The following CELF2 variants were observed in gnomAD, a reference collection of about 807,000 sequenced individuals.
The protein encoded by CELF2 is CUG triplet repeat RNA-binding protein 2.
In CELF2, 8 loss-of-function variants were observed where a neutral mutation model predicts 62.6. That is an observed-to-expected ratio of 0.13 (90% CI 0.07 to 0.23). The LOEUF (loss-of-function observed/expected upper bound fraction) is 0.23, where lower values mean the gene tolerates loss of function less well. Ranked by LOEUF, CELF2 falls within the 10% of genes least tolerant of loss-of-function variation. The pLI is 1.00. For synonymous variants in CELF2, 258 were observed against 250.0 expected, an observed-to-expected ratio of 1.03 and a Z score of -0.30; for missense variants, 333 against 671.0, an observed-to-expected ratio of 0.50 and a Z score of 5.56.
chr10:11,148,459 G>A (rs1254183048), intron 1 of CELF2, among the ~76,000 whole-genome samples: 2 of 152,196 alleles, frequency 1.3e-5, no homozygotes, highest in Non-Finnish European at 2.9e-5. Flanking sequence ...ATACAGGGCT[G>A]TAAATAATTG....
intron 1 of CELF2, among the ~76,000 whole-genome samples, chr10:10,801,298 T>C (rs2054638299): frequency 6.6e-6 from 1 of 152,246 alleles, no homozygotes; most frequent in Non-Finnish European, 1.5e-5. Flanking sequence ...GTGTAATCCT[T>C]TTCTGAGGTC....
In CELF2 at chr10:11,288,407, T is replaced by C; in HGVS notation, c.842-11T>C. ...CCTGTTGCTGAAAGTAACTTTCTCT[T>C]CCCTCCACAGGCATGAATGCTTTAC... On this transcript the variant is annotated splice_polypyrimidine_tract_variant and intron_variant, in intron 8 of 12. Coordinates refer to ENST00000633077, the MANE Select transcript of CELF2 (RefSeq NM_001326342.2). The C allele has an allele frequency of 6.2e-7, 1 of 1,613,494 alleles. No homozygotes were observed. The highest frequency in any genetic ancestry group is 2.2e-5 in the East Asian group (1 of 44,874).
chr10:10,991,821 T>A (rs998545780), intron 2 of CELF2, among the ~76,000 whole-genome samples: 3 of 152,142 alleles, frequency 2.0e-5, no homozygotes, highest in Non-Finnish European at 4.4e-5. Flanking sequence ...TGTGCACAGA[T>A]CCCATTATGT....
the CELF2 span, among the ~76,000 whole-genome samples, chr10:10,587,905 C>A: frequency 1.3e-5 from 2 of 152,018 alleles, no homozygotes; most frequent in African/African-American, 4.8e-5. Flanking sequence ...TAAATAGATA[C>A]CCGCAGATTT....
intron 8 of CELF2, among the ~76,000 whole-genome samples, chr10:11,286,446 G>A (rs2091328778): frequency 1.3e-5 from 2 of 152,238 alleles, no homozygotes; most frequent in African/African-American, 4.8e-5. Context: ...AGAGGGCATG[G>A]ACAGACCTGC....
chr10:11,135,000 C>T (rs1406196873), intron 1 of CELF2, among the ~76,000 whole-genome samples: 1 of 152,208 alleles, frequency 6.6e-6, no homozygotes, highest in Non-Finnish European at 1.5e-5. Context: ...GCATGGCCCT[C>T]AAATACCAGT....
intron 2 of CELF2, among the ~76,000 whole-genome samples, chr10:11,203,479 G>T (rs930897857): frequency 4.6e-5 from 7 of 152,080 alleles, no homozygotes; most frequent in Non-Finnish European, 8.8e-5. Flanking sequence ...ATTCTCTTTG[G>T]TTAGAGACAT....
At chr10:10,614,237 T>C in the CELF2 span, among the ~76,000 whole-genome samples, 1 of 152,044 alleles carries the variant, frequency 6.6e-6, no homozygotes, top group Admixed American at 6.5e-5. Flanking sequence ...CCTTTGGTAA[T>C]TTTAGCCATT....
the CELF2 span, among the ~76,000 whole-genome samples, chr10:10,675,375 C>T: frequency 2.6e-5 from 4 of 152,066 alleles, no homozygotes; most frequent in South Asian, 2.1e-4. Context: ...CATAGATAAG[C>T]GGGGGTTTTT....
At chr10:10,815,498 C>T (rs1452356228) in intron 1 of CELF2, among the ~76,000 whole-genome samples, 1 of 152,174 alleles carries the variant, frequency 6.6e-6, no homozygotes, top group African/African-American at 2.4e-5. Flanking sequence ...CAGACTAGCC[C>T]TGTTCTGCTG....
At chr10:10,651,441 G>A in the CELF2 span, among the ~76,000 whole-genome samples, 3 of 137,988 alleles carry the variant, frequency 2.2e-5, no homozygotes, top group Non-Finnish European at 3.2e-5. Flanking sequence ...CAAAAAGACA[G>A]CAGTAACCTC....
intron 9 of CELF2, 145 bp from the exon 10 acceptor site, chr10:11,313,994 A>G (rs1479799293): frequency 2.5e-6 from 2 of 814,108 alleles, no homozygotes; most frequent in Non-Finnish European, 3.9e-6. Context: ...AATTGCCACA[A>G]GTACAATCCC....
chr10:11,110,362 TC>T lies in CELF2; in HGVS notation c.75-55120del, dbSNP rs2054816982. Reference sequence around the variant, plus strand: ...GTGTGATTTTCTGTGTGAGTATTCATCCCCGTCATTGAGTGGAACAGAAAAA... The same window carrying T: ...GTGTGATTTTCTGTGTGAGTATTCATCCCGTCATTGAGTGGAACAGAAAAA... On this transcript the variant is annotated intron_variant, in intron 1 of 12. Transcript: ENST00000633077. This position sits in a 1 kb window ranked among gnomAD's most constrained non-coding sequence, Gnocchi z 4.0. Among the ~76,000 whole-genome samples, 1 of 152,188 alleles carries T rather than the reference TC, an allele frequency of 6.6e-6. No homozygotes were observed. The highest frequency in any genetic ancestry group is 1.5e-5 in the Non-Finnish European group (1 of 68,030).
intron 2 of CELF2, among the ~76,000 whole-genome samples, chr10:10,976,831 C>T (rs774856405): frequency 6.6e-5 from 10 of 152,096 alleles, no homozygotes; most frequent in Admixed American, 2.0e-4. Flanking sequence ...CTCAAAATGC[C>T]GCTCACTTGC....
the CELF2 span, among the ~76,000 whole-genome samples, chr10:10,696,100 C>T: frequency 6.6e-6 from 1 of 152,026 alleles, no homozygotes. Context: ...TTAGAGTTTC[C>T]AGTTTTTCTG....
chr10:10,473,123 A>G, the CELF2 span, among the ~76,000 whole-genome samples: 38 of 152,104 alleles, frequency 2.5e-4, no homozygotes, highest in South Asian at 3.9e-3. Flanking sequence ...AGCTTATTTG[A>G]AAATAAGGTC....
At chr10:10,794,733 C>T (rs556710845), upstream of CELF2, 2 of 152,142 alleles carry the variant, frequency 1.3e-5, no homozygotes, top group South Asian at 2.1e-4. Flanking sequence ...GTTTGGCTTA[C>T]TCGTGCCACA....
At chr10:10,924,069 G>C (rs949795524) in intron 2 of CELF2, 2 of 151,930 alleles carry the variant, frequency 1.3e-5, no homozygotes, top group African/African-American at 4.8e-5. Context: ...CCTATAAAGA[G>C]AGAAAATTTT....
chr10:11,269,101 C>G lies in CELF2; in HGVS notation c.619-1565C>G, dbSNP rs1265367401. 6.6e-6 allele frequency among the ~76,000 whole-genome samples: 1 copy of G among 152,102 alleles called. No homozygotes were observed. The highest frequency in any genetic ancestry group is 1.5e-5 in the Non-Finnish European group (1 of 68,028). On this transcript the variant is annotated intron_variant, in intron 6 of 12. Transcript: ENST00000633077. The surrounding 1 kb of genome is among the most constrained non-coding windows in gnomAD (Gnocchi z 4.4). The stretch of plus-strand genomic sequence containing the variant: ...CAAATTTGATGGAACAATGACAACC[C>G]TTTTCCATGCAAAACCCCCTCTCTA...
Sources: gnomAD v4.1 joint callset for allele counts (sites outside exome capture counted in the v4.1 genomes callset) on GRCh38, gnomAD v4.1.1 for gene constraint, Gnocchi (gnomAD v3.1) non-coding constraint, MANE v1.5 for transcripts, NCBI Gene and HGNC (gene_info 2026-07-23, HGNC 2026-07-21) for gene names.